The following ADSS2 variants were observed in gnomAD, a reference collection of about 807,000 sequenced individuals.
The protein encoded by ADSS2 is adenylosuccinate synthase 2.
Under a neutral mutation model 60.0 loss-of-function variants are expected in ADSS2, and 30 were observed. The ratio of observed to expected loss-of-function variants is 0.50; its 90% CI spans 0.37 to 0.68. The LOEUF (loss-of-function observed/expected upper bound fraction) is 0.68. ADSS2 is among the 30% of genes least tolerant of loss of function. The pLI, the probability that ADSS2 is intolerant of heterozygous loss-of-function variation, is 0.00. For missense variants in ADSS2, 373 were observed against 554.8 expected (o/e 0.67, Z 3.29); for synonymous variants, 187 against 193.1 (o/e 0.97, Z 0.26).
chr1:244,451,300 C>T lies in ADSS2; in HGVS notation c.183+335G>A, dbSNP rs1256487053. On this transcript the variant is annotated intron_variant, in intron 1 of 12. Transcript: ENST00000366535. The surrounding 1 kb of genome is among the most constrained non-coding windows in gnomAD (Gnocchi z 6.6). ...GTAGCTCCTCAAACTCGGACCGCAT[C>T]CCACCTCCACCCCGGCCTCAGTCCC... 6.6e-6 allele frequency among the ~76,000 whole-genome samples: 1 copy of T among 152,168 alleles called. No individual in the cohort carries two copies. Among genetic ancestry groups the T allele is most frequent in the Non-Finnish European group, 1.5e-5 (1 of 68,030 alleles).
chr1:244,445,780 T>C (rs1266183705), intron 1 of ADSS2, among the ~76,000 whole-genome samples: 3 of 152,204 alleles, frequency 2.0e-5, no homozygotes, highest in Non-Finnish European at 4.4e-5. Flanking sequence ...CCCAAGTGCA[T>C]TTCTGCTGTG....
At chr1:244,432,310 T>G (rs74151389) in intron 4 of ADSS2, among the ~76,000 whole-genome samples, 5,057 of 152,348 alleles carry the variant, frequency 0.033, 286 homozygotes, top group African/African-American at 0.11. Context: ...TATGAAATAC[T>G]GCTTGTATTA....
At chr1:244,438,739 G>A (rs936809118) in intron 1 of ADSS2, among the ~76,000 whole-genome samples, 1 of 152,142 alleles carries the variant, frequency 6.6e-6, no homozygotes, top group Non-Finnish European at 1.5e-5. Flanking sequence ...TCACTAGGCT[G>A]ATCGTGAGGC....
At position 244,418,988 on chromosome 1, in the gene ADSS2, A is replaced by G. The variant is rs904390319; in HGVS notation, c.791-74T>C. 3.7e-6 allele frequency: 5 copies of G among 1,345,482 alleles called. No homozygotes were observed. The Admixed American group carries it at 1.0e-4, about 27-fold the overall frequency. 83.3% of individuals were successfully genotyped at this position (1,345,482 alleles called of 1,614,324 possible). ...ATTTTAAAACAGAATTACCGTTACA[A>G]TTCTGCATTTGAGTATATTATAGGT... On this transcript the variant is annotated intron_variant, in intron 8 of 12. Transcript: ENST00000366535.
intron 9 of ADSS2, among the ~76,000 whole-genome samples, chr1:244,418,329 T>C (rs1342596271): frequency 2.0e-5 from 3 of 152,198 alleles, no homozygotes; most frequent in Admixed American, 1.3e-4. Flanking sequence ...GTTGACTTTA[T>C]TTTATCTTTT....
At chr1:244,428,685 G>GA (rs893412574) in intron 4 of ADSS2, among the ~76,000 whole-genome samples, 23 of 148,340 alleles carry the variant, frequency 1.6e-4, no homozygotes, top group Non-Finnish European at 3.0e-4. Flanking sequence ...ATTTTTTGGG[G>GA]AAAAAAAAAT....
intron 6 of ADSS2, among the ~76,000 whole-genome samples, 176 bp downstream of exon 6, chr1:244,423,777 A>C (rs1664728582): frequency 6.6e-6 from 1 of 152,196 alleles, no homozygotes; most frequent in African/African-American, 2.4e-5. Flanking sequence ...TCATGAAGTT[A>C]ATCTGTAACC....
intron 4 of ADSS2, among the ~76,000 whole-genome samples, chr1:244,426,692 C>G (rs1233470218): frequency 6.6e-6 from 1 of 152,064 alleles, no homozygotes; most frequent in African/African-American, 2.4e-5. Context: ...AGCCACTTTG[C>G]TTGCTTTCTC....
rs1178206757 is a variant in ADSS2, at chr1:244,451,847, G to A, written c.-30C>T. Reference sequence around the variant, plus strand: ...CCAGTGACGCGAGGAGAGCCCGAAGGAGAGGCGGCCGGCGAGGAGTGAGCG... The same window carrying A: ...CCAGTGACGCGAGGAGAGCCCGAAGAAGAGGCGGCCGGCGAGGAGTGAGCG... On this transcript the variant is annotated 5_prime_UTR_variant, in exon 1 of 13. Transcript: ENST00000366535. The surrounding 1 kb of genome is among the most constrained non-coding windows in gnomAD (Gnocchi z 6.6). 3 of 1,536,888 alleles carry A rather than the reference G, an allele frequency of 2.0e-6. No individual in the cohort carries two copies. The highest frequency in any genetic ancestry group is 2.6e-6 in the Non-Finnish European group (3 of 1,144,666).
In ADSS2 at chr1:244,451,644, G is replaced by A. The variant is rs776784243; in HGVS notation, c.174C>T (p.Cys58=). ...DLLAQDADIV[C]RCQGGNNAGH... is the part of the protein sequence containing the mutation. ...GGCCCCGTCGCCTCACCTGGCAGCG[G>A]CACACGATGTCGGCGTCCTGCGCCA... Residue 58 remains cysteine (C), a synonymous_variant, in exon 1 of 13, where the codon TGC becomes TGT. Transcript: ENST00000366535. This position sits in a 1 kb window ranked among gnomAD's most constrained non-coding sequence, Gnocchi z 6.6. 6.2e-6 allele frequency: 10 copies of A among 1,609,200 alleles called. No individual in the cohort carries two copies. Among genetic ancestry groups the A allele is most frequent in the Admixed American group, 1.7e-5 (1 of 59,714 alleles).
rs745448883 is a variant in ADSS2 at position 244,420,246 on chromosome 1, T to A, written c.714A>T (p.Leu238=). Residue 238 remains leucine, a synonymous_variant, in exon 8 of 13, where the codon CTA becomes CTT. Coordinates refer to ENST00000366535, the MANE Select transcript of ADSS2 (RefSeq NM_001126.5). ...KPMVRDGVYF[L]YEALHGPPKK... is the part of the protein sequence containing the mutation. ...TTGGTGGTCCATGTAGGGCCTCATA[T>A]AGAAAATAAACTCCATCTCTCACCA... 6.2e-7 allele frequency: 1 copy of A among 1,613,694 alleles called. No individual in the cohort carries two copies. The highest frequency in any genetic ancestry group is 8.5e-7 in the Non-Finnish European group (1 of 1,179,750).
chr1:244,416,150 C>A lies in ADSS2; in HGVS notation c.1071-72G>T, dbSNP rs1027070509. ...CCTCTAATATCTAATTTGATTAATG[C>A]AGGAGTAAAGAAAAATTCATGCAAA... On this transcript the variant is annotated intron_variant, in intron 10 of 12. Coordinates refer to ENST00000366535, the MANE Select transcript of ADSS2 (RefSeq NM_001126.5). 23 of 1,019,796 alleles carry A rather than the reference C, an allele frequency of 2.3e-5. No individual in the cohort carries two copies. In the African/African-American group the frequency reaches 2.6e-4, roughly 12 times the overall value. 63.2% of individuals were successfully genotyped at this position (1,019,796 alleles called of 1,614,324 possible). A position where few individuals can be genotyped will look rare whatever the true frequency, so the allele number is the denominator to read the frequency against.
intron 1 of ADSS2, among the ~76,000 whole-genome samples, chr1:244,445,571 T>C (rs767639904): frequency 2.0e-5 from 3 of 151,868 alleles, no homozygotes; most frequent in African/African-American, 4.8e-5. Flanking sequence ...AATCCAATTA[T>C]AGAATAAAAT....
At chr1:244,429,239 C>A (rs990755270) in intron 4 of ADSS2, among the ~76,000 whole-genome samples, 1 of 152,134 alleles carries the variant, frequency 6.6e-6, no homozygotes, top group African/African-American at 2.4e-5. Flanking sequence ...CGATCCAGAT[C>A]CCTCCATTTC....
At chr1:244,433,388 T>C (rs899395867) in intron 3 of ADSS2, among the ~76,000 whole-genome samples, 1 of 152,234 alleles carries the variant, frequency 6.6e-6, no homozygotes. Context: ...TCTTTCCAAA[T>C]GTCTTGCTCT....
chr1:244,422,791 A>C (rs779529210), intron 7 of ADSS2, 44 bp downstream of exon 7: 2 of 1,457,436 alleles, frequency 1.4e-6, no homozygotes, highest in Non-Finnish European at 1.9e-6. Context: ...CCAATTTGGC[A>C]AACAAGTATT....
rs1664897166 is a variant in ADSS2 at position 244,429,942 on chromosome 1, C to T, written c.406+2603G>A. Among the ~76,000 whole-genome samples the T allele has an allele frequency of 1.1e-4, 17 of 149,036 alleles. 2 individuals are homozygous for T. In the South Asian group the frequency reaches 3.6e-3, roughly 32 times the overall value. On this transcript the variant is annotated intron_variant, in intron 4 of 12. Coordinates refer to ENST00000366535, the MANE Select transcript of ADSS2 (RefSeq NM_001126.5). ...GTTTCTTATAAGACTTTTTAAGGGC[C>T]CTGGGAAGTGAACCTTACAGGCTTT...
intron 4 of ADSS2, among the ~76,000 whole-genome samples, chr1:244,426,918 G>T (rs567471707): frequency 1.6e-4 from 25 of 152,124 alleles, no homozygotes; most frequent in Admixed American, 3.3e-4. Context: ...ACTAATACAT[G>T]ATATGCTCCA....
chr1:244,419,487 G>C (rs1001774303), intron 8 of ADSS2, among the ~76,000 whole-genome samples: 1 of 152,092 alleles, frequency 6.6e-6, no homozygotes, highest in Non-Finnish European at 1.5e-5. Flanking sequence ...TTTCTTTCCA[G>C]ACTGGCTAGA....
Sources: gnomAD v4.1 joint callset for allele counts (sites outside exome capture counted in the v4.1 genomes callset) on GRCh38, gnomAD v4.1.1 for gene constraint, Gnocchi (gnomAD v3.1) non-coding constraint, MANE v1.5 for transcripts, NCBI Gene and HGNC (gene_info 2026-07-23, HGNC 2026-07-21) for gene names.